CFDP1: variants seen among roughly 807,000 people sequenced by gnomAD.
CFDP1 encodes the protein heterochromatin-stabilizing protein CFDP1.
Under a neutral mutation model 40.1 loss-of-function variants are expected in CFDP1, and 31 were observed. The ratio of observed to expected loss-of-function variants is 0.77; its 90% CI spans 0.58 to 1.04. The LOEUF (loss-of-function observed/expected upper bound fraction) is 1.04. Among genes scored for constraint, CFDP1 ranks in the 50% least tolerant of loss-of-function variants. The pLI is 0.00. For synonymous variants in CFDP1, 167 were observed against 120.0 expected (o/e 1.39, Z -2.56); for missense variants, 423 against 343.4 (o/e 1.23, Z -1.83).
intron 4 of CFDP1, among the ~76,000 whole-genome samples, chr16:75,399,407 T>G (rs560388508): frequency 2.0e-5 from 3 of 152,290 alleles, no homozygotes; most frequent in Admixed American, 2.0e-4. Flanking sequence ...CACTTACATA[T>G]AGTAATCTGA....
intron 5 of CFDP1, among the ~76,000 whole-genome samples, chr16:75,319,975 T>A (rs1221886201): frequency 1.3e-5 from 2 of 152,232 alleles, no homozygotes; most frequent in African/African-American, 4.8e-5. Context: ...TCATAGAGGC[T>A]AACCACAGCT....
intron 5 of CFDP1, among the ~76,000 whole-genome samples, chr16:75,329,934 A>C (rs1444616882): frequency 6.6e-6 from 1 of 152,150 alleles, no homozygotes; most frequent in African/African-American, 2.4e-5. Context: ...ACCAAGAATG[A>C]ATTCCTCTTT....
rs57456195 is a variant in CFDP1 at position 75,316,431 on chromosome 16, G to A, written c.651-11249C>T. ...AATCCTATTTGAAAGGCCAGGCAGT[G>A]TGCTGGCTCACGCCTATAATTCAAG... On this transcript the variant is annotated intron_variant, in intron 5 of 6. Coordinates refer to ENST00000283882, the MANE Select transcript of CFDP1 (RefSeq NM_006324.3). Among the ~76,000 whole-genome samples, 923 of 152,234 alleles carry A rather than the reference G, an allele frequency of 6.1e-3. 2 individuals are homozygous for A. The highest frequency in any genetic ancestry group is 0.021 in the African/African-American group (888 of 41,526).
chr16:75,376,892 T>C (rs2078803489), intron 5 of CFDP1, among the ~76,000 whole-genome samples: 1 of 152,240 alleles, frequency 6.6e-6, no homozygotes, highest in African/African-American at 2.4e-5. Flanking sequence ...TAGAAATTTC[T>C]GCATAAACTG....
chr16:75,384,852 C>CAATATATATATATATATATATA, intron 5 of CFDP1, among the ~76,000 whole-genome samples: 1 of 120,000 alleles, frequency 8.3e-6, no homozygotes, highest in South Asian at 2.6e-4. Context: ...GAAACTAAAA[C>CAATATATATATATATATATATA]TATATATATA....
At chr16:75,307,396 T>C (rs2078266132) in intron 5 of CFDP1, among the ~76,000 whole-genome samples, 1 of 152,118 alleles carries the variant, frequency 6.6e-6, no homozygotes, top group South Asian at 2.1e-4. Flanking sequence ...TTTGTATTTT[T>C]AGTAGAGACG....
In CFDP1 at chr16:75,294,052, G is replaced by GAA. The variant is rs1176499938; in HGVS notation, c.810-12_810-11dup. 6.2e-7 allele frequency: 1 copy of GAA among 1,604,718 alleles called. No homozygotes were observed. The highest frequency in any genetic ancestry group is 1.7e-5 in the Admixed American group (1 of 60,002). The stretch of plus-strand genomic sequence containing the variant: ...TTTCCGTTCAATGTACCTAGAAGAT[G>GAA]AAAACAGTGTTTGTCAGTAGAATCC... On this transcript the variant is annotated splice_polypyrimidine_tract_variant and intron_variant, in intron 6 of 6. Transcript: ENST00000283882.
chr16:75,393,674 T>G (rs2078971053), intron 5 of CFDP1, among the ~76,000 whole-genome samples: 1 of 133,216 alleles, frequency 7.5e-6, no homozygotes, highest in African/African-American at 2.9e-5. Context: ...GAGCTTGCAG[T>G]GAGCCGAGAT....
At chr16:75,350,978 A>C (rs1190455147) in intron 5 of CFDP1, among the ~76,000 whole-genome samples, 2 of 151,852 alleles carry the variant, frequency 1.3e-5, no homozygotes, top group Non-Finnish European at 2.9e-5. Context: ...ATTTCTAGTG[A>C]GATAAAATCT....
chr16:75,385,825 T>A (rs940163943), intron 5 of CFDP1, among the ~76,000 whole-genome samples: 4 of 152,218 alleles, frequency 2.6e-5, no homozygotes, highest in African/African-American at 9.6e-5. Flanking sequence ...TAGAGTATCA[T>A]AATCATCTTC....
chr16:75,335,168 G>C (rs2078477588), intron 5 of CFDP1, among the ~76,000 whole-genome samples: 1 of 152,098 alleles, frequency 6.6e-6, no homozygotes, highest in South Asian at 2.1e-4. Flanking sequence ...TCATAAATGT[G>C]GTAAGTTCCC....
chr16:75,424,971 T>C (rs142626207), intron 1 of CFDP1, among the ~76,000 whole-genome samples: 74 of 151,178 alleles, frequency 4.9e-4, no homozygotes, highest in Non-Finnish European at 7.9e-4. Flanking sequence ...CCTCCAGAAC[T>C]GGTAAATGAG....
chr16:75,339,224 CT>C (rs1296691251), intron 5 of CFDP1, among the ~76,000 whole-genome samples: 1 of 152,088 alleles, frequency 6.6e-6, no homozygotes, highest in Admixed American at 6.6e-5. Context: ...TAGGACAATT[CT>C]TTGGCTCATT....
intron 5 of CFDP1, among the ~76,000 whole-genome samples, chr16:75,393,000 G>T (rs2078965144): frequency 6.6e-6 from 1 of 152,236 alleles, no homozygotes; most frequent in Admixed American, 6.5e-5. Flanking sequence ...AGATGAGGAA[G>T]TAGCCCCATC....
chr16:75,376,676 G>A (rs1446603519), intron 5 of CFDP1, among the ~76,000 whole-genome samples: 1 of 152,198 alleles, frequency 6.6e-6, no homozygotes, highest in Non-Finnish European at 1.5e-5. Flanking sequence ...CTATGAAGTA[G>A]TAGGCAGGAC....
chr16:75,294,893 C>T (rs922287618), intron 6 of CFDP1, among the ~76,000 whole-genome samples: 3 of 152,154 alleles, frequency 2.0e-5, no homozygotes, highest in Admixed American at 6.5e-5. Context: ...GAAGCACAGG[C>T]GCGCTTGCTA....
intron 5 of CFDP1, among the ~76,000 whole-genome samples, chr16:75,324,173 C>T (rs1262311334): frequency 6.6e-6 from 1 of 151,784 alleles, no homozygotes; most frequent in African/African-American, 2.4e-5. Context: ...AACCATTACA[C>T]AGGAAGTGCA....
At chr16:75,294,852 C>T (rs761320856) in intron 6 of CFDP1, among the ~76,000 whole-genome samples, 92 of 152,114 alleles carry the variant, frequency 6.0e-4, no homozygotes, top group Non-Finnish European at 1.1e-3. Flanking sequence ...TCCCTCTGTC[C>T]TCCAGGCAGG....
At chr16:75,393,062 A>G (rs1447414024) in intron 5 of CFDP1, among the ~76,000 whole-genome samples, 2 of 152,246 alleles carry the variant, frequency 1.3e-5, no homozygotes, top group East Asian at 3.8e-4. Context: ...AGCATCTTAC[A>G]GCAAGCACGT....
Sources: gnomAD v4.1 joint callset for allele counts (sites outside exome capture counted in the v4.1 genomes callset) on GRCh38, gnomAD v4.1.1 for gene constraint, MANE v1.5 for transcripts, NCBI Gene and HGNC (gene_info 2026-07-23, HGNC 2026-07-21) for gene names.